Variants in POFUT2 observed in about 807,000 individuals in gnomAD.
POFUT2 encodes protein O-fucosyltransferase 2.
Under a neutral mutation model 55.0 loss-of-function variants are expected in POFUT2, and 30 were observed. That is an observed-to-expected ratio of 0.55 (90% CI 0.41 to 0.74). The LOEUF is 0.74. POFUT2 is among the 30% of genes least tolerant of loss of function. POFUT2 has a pLI of 0.00. For missense variants in POFUT2, 524 were observed against 562.6 expected, an observed-to-expected ratio of 0.93 and a Z score of 0.69; for synonymous variants, 267 against 231.1, an observed-to-expected ratio of 1.16 and a Z score of -1.41.
chr21:45,284,928 A>G lies in POFUT2; in HGVS notation c.382+750T>C, dbSNP rs1183877180. 1.3e-5 allele frequency among the ~76,000 whole-genome samples: 2 copies of G among 152,194 alleles called. No individual in the cohort carries two copies. Among genetic ancestry groups the G allele is most frequent in the African/African-American group, 4.8e-5 (2 of 41,438 alleles). ...TCACAAGACTGACCTTGACACAGAA[A>G]ACATTTCAGAGTGACAAGATCTAGG... On this transcript the variant is annotated intron_variant, in intron 2 of 8. Transcript: ENST00000349485. The surrounding 1 kb of genome is among the most constrained non-coding windows in gnomAD (Gnocchi z 5.8).
intron 6 of POFUT2, among the ~76,000 whole-genome samples, chr21:45,272,159 A>G (rs956564071): frequency 6.6e-6 from 1 of 152,216 alleles, no homozygotes. Flanking sequence ...AAAGTCTTCA[A>G]GAGACTGACC....
rs764814144 is a variant in POFUT2, at chr21:45,287,860, G to A, written c.12C>T (p.Leu4=). The change falls in exon 1 of 9, where the codon CTC becomes CTT. Residue 4 remains leucine (L), a synonymous_variant. Coordinates refer to ENST00000349485, the MANE Select transcript of POFUT2 (RefSeq NM_133635.6). MAT[L]SFVFLLLGAV... is the part of the protein sequence containing the mutation. ...CCCCCAGCAGCAGGAAGACGAAGCT[G>A]AGTGTCGCCATGGCCCCGGGCGGCC... 2.1e-6 allele frequency: 3 copies of A among 1,401,714 alleles called. No homozygotes were observed. The highest frequency in any genetic ancestry group is 2.8e-6 in the Non-Finnish European group (3 of 1,068,862). 86.8% of individuals were successfully genotyped at this position (1,401,714 alleles called of 1,614,324 possible). A position where few individuals can be genotyped will look rare whatever the true frequency, so the allele number is the denominator to read the frequency against.
chr21:45,271,307 C>A (rs2093218068), intron 6 of POFUT2, among the ~76,000 whole-genome samples: 1 of 152,104 alleles, frequency 6.6e-6, no homozygotes, highest in African/African-American at 2.4e-5. Flanking sequence ...AGCTTCAGAG[C>A]TCGAAGACAA....
intron 4 of POFUT2, among the ~76,000 whole-genome samples, chr21:45,280,556 C>T (rs1479645673): frequency 2.6e-5 from 4 of 152,160 alleles, no homozygotes; most frequent in African/African-American, 4.8e-5. Context: ...CCTGTCCTCC[C>T]GACAGCGGTT....
Position 45,264,295 on chromosome 21 carries a change from C to A in POFUT2, c.*1187G>T, listed in dbSNP as rs1238480603. 6.6e-6 allele frequency: 1 copy of A among 152,260 alleles called. No individual in the cohort carries two copies. Among genetic ancestry groups the A allele is most frequent in the African/African-American group, 2.4e-5 (1 of 41,456 alleles). The allele number at this position is 152,260 out of a possible 1,614,324, so 9.4% of individuals were successfully genotyped here. ...GGAAAGTGGCTGCTCAGTGAGGACT[C>A]AGCCCCCACCAACCTGACTGAGGGT... On this transcript the variant is annotated 3_prime_UTR_variant, in exon 9 of 9. Transcript: ENST00000349485.
At chr21:45,280,075 T>C (rs543817166) in intron 4 of POFUT2, among the ~76,000 whole-genome samples, 1 of 152,098 alleles carries the variant, frequency 6.6e-6, no homozygotes, top group African/African-American at 2.4e-5. Context: ...CGGGCGCGGG[T>C]AGAGGACATT....
chr21:45,276,299 T>C (rs920378280), intron 6 of POFUT2, among the ~76,000 whole-genome samples: 3 of 151,334 alleles, frequency 2.0e-5, no homozygotes, highest in Non-Finnish European at 2.9e-5. Context: ...AAAAAAATCT[T>C]CTATATTTTT....
Position 45,283,466 on chromosome 21 carries a change from T to C in POFUT2, c.444A>G (p.Lys148=), listed in dbSNP as rs2031009898. ...YVLQSYAEGW[K]EGTWEEKVDE... is the part of the protein sequence containing the mutation. ...CCACCTTCTCTTCCCAGGTCCCTTC[T>C]TTCCACCCCTCTGCGTAACTTTGCA... Residue 148 remains lysine (K), a synonymous_variant, in exon 3 of 9, where the codon AAA becomes AAG. Transcript: ENST00000349485. 6.2e-7 allele frequency: 1 copy of C among 1,613,896 alleles called. No homozygotes were observed. Among genetic ancestry groups the C allele is most frequent in the East Asian group, 2.2e-5 (1 of 44,868 alleles).
chr21:45,267,786 C>T lies in POFUT2; in HGVS notation c.1013-73G>A, dbSNP rs1179104603. 2 of 1,341,782 alleles carry T rather than the reference C, an allele frequency of 1.5e-6. No individual in the cohort carries two copies. Among genetic ancestry groups the T allele is most frequent in the Non-Finnish European group, 2.1e-6 (2 of 947,342 alleles). The allele number at this position is 1,341,782 out of a possible 1,614,324, so 83.1% of individuals were successfully genotyped here. A position where few individuals can be genotyped will look rare whatever the true frequency, so the allele number is the denominator to read the frequency against. On this transcript the variant is annotated intron_variant, in intron 7 of 8. Transcript: ENST00000349485. The surrounding 1 kb of genome is among the most constrained non-coding windows in gnomAD (Gnocchi z 4.4). ...GACAGATACGTGACTCTTTAGCAGA[C>T]AGACATGCGTACTTGGCTTCTGGTT...
At position 45,265,936 on chromosome 21, in the gene POFUT2, G is replaced by A. The variant is rs1264678396; in HGVS notation, c.1137-301C>T. The A allele has an allele frequency of 2.1e-5, 27 of 1,273,042 alleles. No homozygotes were observed. The highest frequency in any genetic ancestry group is 7.7e-5 in the South Asian group (5 of 65,006). 78.9% of individuals were successfully genotyped at this position (1,273,042 alleles called of 1,614,324 possible). A position where few individuals can be genotyped will look rare whatever the true frequency, so the allele number is the denominator to read the frequency against. The stretch of plus-strand genomic sequence containing the variant: ...TGTCCCCCTGGGAGCCCTCCTCTCC[G>A]TCACCAAATCCCAGGCCAGGCACGC... On this transcript the variant is annotated intron_variant, in intron 8 of 8. Transcript: ENST00000349485. The surrounding 1 kb of genome is among the most constrained non-coding windows in gnomAD (Gnocchi z 4.6).
chr21:45,287,746 G>A lies in POFUT2; in HGVS notation c.126C>T (p.Arg42=), dbSNP rs764394521. ...AADILSGAAS[R]RRYLLYDVNP... The stretch of plus-strand genomic sequence containing the variant: ...CACCGTGGACGCGCGTTTACCGTCT[G>A]CGGGAAGCCGCCCCCGACAGAATAT... The change falls in exon 1 of 9, where the codon CGC becomes CGT. Residue 42 remains arginine, a synonymous_variant. Transcript: ENST00000349485. The A allele has an allele frequency of 2.0e-6, 3 of 1,469,266 alleles. No homozygotes were observed. The African/African-American group carries it at 4.5e-5, about 22-fold the overall frequency. 91.0% of individuals were successfully genotyped at this position (1,469,266 alleles called of 1,614,324 possible). A position where few individuals can be genotyped will look rare whatever the true frequency, so the allele number is the denominator to read the frequency against.
chr21:45,282,390 G>T lies in POFUT2; in HGVS notation c.597C>A (p.Ala199=). Residue 199 remains alanine (A), a synonymous_variant, in exon 4 of 9, where the codon GCC becomes GCA. Coordinates refer to ENST00000349485, the MANE Select transcript of POFUT2 (RefSeq NM_133635.6). The surrounding 1 kb of genome is among the most constrained non-coding windows in gnomAD (Gnocchi z 4.6). The part of the protein sequence containing the change: ...NVSCLSVQGS[A]SIVAPLLLRN... Reference sequence around the variant, plus strand: ...TCAGCAGCAGGGGCGCCACGATGGAGGCTGAGCCCTGGACGGACAGACAGG... The same window carrying T: ...TCAGCAGCAGGGGCGCCACGATGGATGCTGAGCCCTGGACGGACAGACAGG... The T allele has an allele frequency of 6.2e-7, 1 of 1,613,604 alleles. No homozygotes were observed. Among genetic ancestry groups the T allele is most frequent in the East Asian group, 2.2e-5 (1 of 44,880 alleles).
rs1055903495 is a variant in POFUT2, at chr21:45,282,253, G to C, written c.638+96C>G. The C allele has an allele frequency of 1.2e-6, 1 of 816,534 alleles. No homozygotes were observed. Among genetic ancestry groups the C allele is most frequent in the Non-Finnish European group, 2.0e-6 (1 of 489,286 alleles). 50.6% of individuals were successfully genotyped at this position (816,534 alleles called of 1,614,324 possible). On this transcript the variant is annotated intron_variant, in intron 4 of 8. Transcript: ENST00000349485. The surrounding 1 kb of genome is among the most constrained non-coding windows in gnomAD (Gnocchi z 4.6). Reference sequence around the variant, plus strand: ...CGCTGTCTGTGAGGTGGGTGGGCCAGGGATGCGGGAGTATGGGCGGAGAGC... The same window carrying C: ...CGCTGTCTGTGAGGTGGGTGGGCCACGGATGCGGGAGTATGGGCGGAGAGC...
Position 45,265,512 on chromosome 21 carries a change from C to G in POFUT2, c.1260G>C (p.Glu420Asp). The G allele has an allele frequency of 6.2e-7, 1 of 1,613,886 alleles. No individual in the cohort carries two copies. Among genetic ancestry groups the G allele is most frequent in the Non-Finnish European group, 8.5e-7 (1 of 1,179,902 alleles). Residue 420 changes from glutamate to aspartate, a missense_variant, in exon 9 of 9, where the codon GAG becomes GAC. By Grantham distance (45) the Glu-to-Asp change is conservative. Transcript: ENST00000349485. The surrounding 1 kb of genome is among the most constrained non-coding windows in gnomAD (Gnocchi z 4.6). ...AGGTGATCTTCCAGTGGGTGGGTTG[C>G]TCACACGCCTTCTCTTGGTCTCCGC... ...RFCGDQEKAC[E>D]QPTHWKITY
chr21:45,268,001 C>CCCACGGTCTCCCTCTCTTT (rs1027337394), intron 7 of POFUT2, among the ~76,000 whole-genome samples: 14 of 152,150 alleles, frequency 9.2e-5, no homozygotes, highest in African/African-American at 3.4e-4. Context: ...TCTCCCTCTC[C>CCCACGGTCTCCCTCTCTTT]CCACGGTCTC....
Position 45,267,917 on chromosome 21 carries a change from C to G in POFUT2, c.1013-204G>C, listed in dbSNP as rs533237790. 9.8e-5 allele frequency among the ~76,000 whole-genome samples: 15 copies of G among 152,312 alleles called. No homozygotes were observed. Among genetic ancestry groups the G allele is most frequent in the Admixed American group, 5.9e-4 (9 of 15,306 alleles). ...AGATCTTCATGGATCTGGGTAGTTC[C>G]AGGTCTACCCAGAACAGAACCAGGG... On this transcript the variant is annotated intron_variant, in intron 7 of 8. Coordinates refer to ENST00000349485, the MANE Select transcript of POFUT2 (RefSeq NM_133635.6). This position sits in a 1 kb window ranked among gnomAD's most constrained non-coding sequence, Gnocchi z 4.4.
chr21:45,276,920 G>T, intron 6 of POFUT2, 97 bp downstream of exon 6: 4 of 1,380,346 alleles, frequency 2.9e-6, no homozygotes, highest in Middle Eastern at 1.9e-4. Flanking sequence ...CCACAGACAC[G>T]CCAACCCTGC....
intron 3 of POFUT2, 66 bp downstream of exon 3, chr21:45,283,317 G>A (rs2030961366): frequency 9.7e-6 from 8 of 822,878 alleles, no homozygotes; most frequent in Admixed American, 2.8e-5. Flanking sequence ...GCGGGGGGGG[G>A]GGGACGCATG....
In POFUT2 at chr21:45,277,062, G is replaced by A. The variant is rs200720644; in HGVS notation, c.786C>T (p.Asp262=). ...CCTGGAAGGGGATCCTGTCTGCGTC[G>A]TCCGTGGAGTTGAGATGTCTGCTCC... ...EFRSRHLNST[D]DADRIPFQED... is the part of the protein sequence containing the mutation. The change falls in exon 6 of 9, where the codon GAC becomes GAT. Residue 262 remains aspartate, a synonymous_variant. Coordinates refer to ENST00000349485, the MANE Select transcript of POFUT2 (RefSeq NM_133635.6). This position sits in a 1 kb window ranked among gnomAD's most constrained non-coding sequence, Gnocchi z 6.9. The A allele has an allele frequency of 5.3e-5, 86 of 1,613,968 alleles. No individual in the cohort carries two copies. The highest frequency in any genetic ancestry group is 1.6e-4 in the Middle Eastern group (1 of 6,084).
Sources: allele counts gnomAD v4.1 joint callset (sites outside exome capture counted in the v4.1 genomes callset), GRCh38; gene constraint gnomAD v4.1.1; non-coding constraint Gnocchi (gnomAD v3.1); transcripts MANE v1.5; gene names NCBI Gene and HGNC (gene_info 2026-07-23, HGNC 2026-07-21).